Variants in KDM6B observed in about 807,000 individuals in gnomAD.
KDM6B encodes lysine-specific demethylase 6B.
A neutral mutation model predicts 150.4 loss-of-function variants in KDM6B; 22 were observed. The observed-to-expected ratio is 0.15, with a 90% confidence interval of 0.10 to 0.21. The LOEUF (loss-of-function observed/expected upper bound fraction) is 0.21, where lower values mean the gene tolerates loss of function less well. Ranked by LOEUF, KDM6B falls within the 10% of genes least tolerant of loss-of-function variation. The pLI is 1.00. For missense variants in KDM6B, 1,984 were observed against 2,234.3 expected, an observed-to-expected ratio of 0.89 and a Z score of 2.26; for synonymous variants, 1,148 against 921.1, an observed-to-expected ratio of 1.25 and a Z score of -4.46.
intron 21 of KDM6B, 150 bp downstream of exon 21, chr17:7,852,786 T>A: frequency 7.7e-7 from 1 of 1,302,554 alleles, no homozygotes; most frequent in Non-Finnish European, 1.1e-6. Context: ...ACTAGGTCCT[T>A]GCTGTCATGA....
Position 7,852,145 on chromosome 17 carries a change from G to T in KDM6B, c.4281-4G>T. 6.2e-7 allele frequency: 1 copy of T among 1,613,994 alleles called. No homozygotes were observed. The highest frequency in any genetic ancestry group is 8.5e-7 in the Non-Finnish European group (1 of 1,180,020). ...TTCCCACCTGACCTGTGGCCACCCC[G>T]CAGGCACGGCGTGGACTACTTGACG... On this transcript the variant is annotated splice_region_variant and splice_polypyrimidine_tract_variant and intron_variant, in intron 19 of 23. Transcript: ENST00000448097.
intron 1 of KDM6B, among the ~76,000 whole-genome samples, chr17:7,835,365 C>T (rs1301130225): frequency 1.3e-5 from 2 of 151,896 alleles, no homozygotes; most frequent in Non-Finnish European, 2.9e-5. Context: ...AGGCCGAGGG[C>T]AGGACGCCTG....
chr17:7,848,543 C>A lies in KDM6B; in HGVS notation c.2255C>A (p.Thr752Asn). The A allele has an allele frequency of 8.5e-7, 1 of 1,171,546 alleles. No homozygotes were observed. Among genetic ancestry groups the A allele is most frequent in the South Asian group, 2.0e-5 (1 of 49,496 alleles). 72.6% of individuals were successfully genotyped at this position (1,171,546 alleles called of 1,614,324 possible). The change falls in exon 12 of 24, where the codon ACC becomes AAC. Residue 752 changes from threonine (T) to asparagine (N), a missense_variant. By Grantham distance (65) the Thr-to-Asn change is moderately conservative. This residue lies in a region of KDM6B where 1,379 missense variants were observed against 1,275.6 expected (regional missense o/e 1.08). Transcript: ENST00000448097. ...ACTACTGCTCCTGCTGTCGCCGTCA[C>A]CACCACCACCACCACCACCACCACC... is the stretch of plus-strand genomic sequence containing the variant. ...PTTTAPAVAV[T>N]TTTTTTTTTT...
chr17:7,849,148 C>T lies in KDM6B; in HGVS notation c.2860C>T (p.Pro954Ser), dbSNP rs763243264. ...GGACAGTGGGACTGAGCGACTGCTG[C>T]CCCCCGCACAGGCCAAGGAGGAGGC... is the stretch of plus-strand genomic sequence containing the variant. ...PADSGTERLL[P>S]PAQAKEEAGG... The change falls in exon 12 of 24, where the codon CCC becomes TCC. Residue 954 changes from proline (P) to serine (S), a missense_variant. This residue lies in a region of KDM6B where 1,379 missense variants were observed against 1,275.6 expected (regional missense o/e 1.08). Transcript: ENST00000448097. 7.4e-6 allele frequency: 12 copies of T among 1,611,622 alleles called. No individual in the cohort carries two copies. Among genetic ancestry groups the T allele is most frequent in the Non-Finnish European group, 1.0e-5 (12 of 1,179,534 alleles).
At position 7,853,711 on chromosome 17, in the gene KDM6B, A is replaced by T. The variant is rs1467144294; in HGVS notation, c.*190A>T. 2.7e-6 allele frequency: 1 copy of T among 371,742 alleles called. No individual in the cohort carries two copies. The highest frequency in any genetic ancestry group is 4.6e-5 in the East Asian group (1 of 21,930). The allele number at this position is 371,742 out of a possible 1,614,324, so 23.0% of individuals were successfully genotyped here. On this transcript the variant is annotated 3_prime_UTR_variant, in exon 24 of 24. Coordinates refer to ENST00000448097, the MANE Select transcript of KDM6B (RefSeq NM_001348716.2). ...TTTTTTTTTTTAGCAAATATGAGGA[A>T]AAAAGGAAAAAAAATGGGAGACGGG...
intron 1 of KDM6B, among the ~76,000 whole-genome samples, chr17:7,839,168 T>C (rs1412221699): frequency 6.6e-6 from 1 of 152,192 alleles, no homozygotes; most frequent in Non-Finnish European, 1.5e-5. Context: ...CACCTGATTC[T>C]TGGCCTTGGA....
At chr17:7,842,783 G>A (rs1443818849) in intron 2 of KDM6B, among the ~76,000 whole-genome samples, 1 of 151,872 alleles carries the variant, frequency 6.6e-6, no homozygotes, top group Non-Finnish European at 1.5e-5. Flanking sequence ...GGCTGAGTCA[G>A]TGGGAAGAGG....
intron 23 of KDM6B, 40 bp from the exon 24 acceptor site, chr17:7,853,455 GGCC>G: frequency 6.6e-7 from 1 of 1,514,280 alleles, no homozygotes; most frequent in Non-Finnish European, 8.8e-7. Context: ...TCGGGAGCCC[GGCC>G]GCGCCTTTCC....
At chr17:7,846,369 C>T in intron 7 of KDM6B, 31 bp from the exon 8 acceptor site, 1 of 1,511,064 alleles carries the variant, frequency 6.6e-7, no homozygotes, top group Non-Finnish European at 9.0e-7. Flanking sequence ...CACCTGACAT[C>T]TGCCCCTGCC....
rs963500739 is a variant in KDM6B at position 7,843,617 on chromosome 17, C to A, written c.-268-1284C>A. Among the ~76,000 whole-genome samples, 1 of 152,178 alleles carries A rather than the reference C, an allele frequency of 6.6e-6. No homozygotes were observed. On this transcript the variant is annotated intron_variant, in intron 2 of 23. Coordinates refer to ENST00000448097, the MANE Select transcript of KDM6B (RefSeq NM_001348716.2). The surrounding 1 kb of genome is among the most constrained non-coding windows in gnomAD (Gnocchi z 4.5). ...TCAACGAACGCGAACTTTCCAGCCA[C>A]CCCCAGCCCCTCGTCGCGCACTCTC...
At position 7,849,304 on chromosome 17, in the gene KDM6B, A is replaced by G; in HGVS notation, c.3016A>G (p.Lys1006Glu). The change falls in exon 12 of 24, where the codon AAG becomes GAG. Residue 1006 changes from lysine (K) to glutamate (E), a missense_variant. Lys to Glu is a moderately conservative substitution (Grantham distance 56, BLOSUM62 1). Coordinates refer to ENST00000448097, the MANE Select transcript of KDM6B (RefSeq NM_001348716.2). ...GCCCCGTGAGGGCAGGGCAAAGGCC[A>G]AGGCCAAGGTCCCCAAAGAAAAGAG... Reference protein sequence around the residue: ...RRPREGRAKAKAKVPKEKSRR... With the variant: ...RRPREGRAKAEAKVPKEKSRR... 1 of 1,559,530 alleles carries G rather than the reference A, an allele frequency of 6.4e-7. No homozygotes were observed.
At chr17:7,836,685 C>T (rs1456169607) in intron 1 of KDM6B, among the ~76,000 whole-genome samples, 1 of 152,236 alleles carries the variant, frequency 6.6e-6, no homozygotes, top group Non-Finnish European at 1.5e-5. Context: ...GGCCTGAGTC[C>T]CTGGGATTGG....
At chr17:7,850,651 G>C (rs1462314613) in intron 14 of KDM6B, among the ~76,000 whole-genome samples, 1 of 151,254 alleles carries the variant, frequency 6.6e-6, no homozygotes, top group Non-Finnish European at 1.5e-5. Context: ...GGATCCAATG[G>C]TAACTCAAAG....
chr17:7,834,880 C>T (rs982246199), intron 1 of KDM6B, among the ~76,000 whole-genome samples: 1 of 152,094 alleles, frequency 6.6e-6, no homozygotes, highest in Non-Finnish European at 1.5e-5. Flanking sequence ...TCCCACCACC[C>T]CCCTGCGCCT....
chr17:7,845,265 C>T, intron 3 of KDM6B, 49 bp from the exon 4 acceptor site: 1 of 560,970 alleles, frequency 1.8e-6, no homozygotes, highest in South Asian at 2.0e-5. Flanking sequence ...GCCCCTGGGC[C>T]TTGACTGTGT....
intron 14 of KDM6B, 32 bp from the exon 15 acceptor site, chr17:7,850,989 G>C: frequency 6.5e-7 from 1 of 1,545,674 alleles, no homozygotes; most frequent in Non-Finnish European, 8.8e-7. Context: ...CTCTGCCTCT[G>C]CCCCGACACC....
intron 1 of KDM6B, among the ~76,000 whole-genome samples, chr17:7,835,807 C>T (rs2078324851): frequency 6.7e-6 from 1 of 148,196 alleles, no homozygotes; most frequent in Non-Finnish European, 1.5e-5. Flanking sequence ...GCGAGCCGGG[C>T]GCCCCCCTCC....
intron 11 of KDM6B, 39 bp from the exon 12 acceptor site, chr17:7,847,506 GC>G (rs2078579757): frequency 6.2e-7 from 1 of 1,612,940 alleles, no homozygotes; most frequent in Non-Finnish European, 8.5e-7. Context: ...TCTTGAGGCA[GC>G]CCGAGCAATG....
At position 7,848,507 on chromosome 17, in the gene KDM6B, C is replaced by T. The variant is rs2078613865; in HGVS notation, c.2219C>T (p.Thr740Ile). 3 of 1,611,742 alleles carry T rather than the reference C, an allele frequency of 1.9e-6. No individual in the cohort carries two copies. The highest frequency in any genetic ancestry group is 2.2e-5 in the East Asian group (1 of 44,838). Reference protein sequence around the residue: ...ASLQSPFPTDTAPTTTAPAVA... With the variant: ...ASLQSPFPTDIAPTTTAPAVA... The stretch of plus-strand genomic sequence containing the variant: ...CTGCAGTCTCCTTTCCCCACCGACA[C>T]AGCCCCCACCACTACTGCTCCTGCT... The change falls in exon 12 of 24, where the codon ACA becomes ATA. Residue 740 changes from threonine to isoleucine, a missense_variant. Transcript: ENST00000448097.
Sources: allele counts gnomAD v4.1 joint callset (sites outside exome capture counted in the v4.1 genomes callset), GRCh38; gene constraint gnomAD v4.1.1; regional missense constraint gnomAD v4.1.1; non-coding constraint Gnocchi (gnomAD v3.1); transcripts MANE v1.5; gene names NCBI Gene and HGNC (gene_info 2026-07-23, HGNC 2026-07-21).